Variants in DACH2 observed in about 807,000 individuals in gnomAD.
DACH2 encodes dachshund homolog 2.
Under a neutral mutation model 35.8 loss-of-function variants are expected in DACH2, and 17 were observed. That is an observed-to-expected ratio of 0.48 (90% CI 0.33 to 0.71). DACH2 has a LOEUF of 0.71. Among genes scored for constraint, DACH2 ranks in the 30% least tolerant of loss-of-function variants. The pLI is 0.02. For missense variants in DACH2, 469 were observed against 472.7 expected, an observed-to-expected ratio of 0.99 and a Z score of 0.07; for synonymous variants, 195 against 177.3, an observed-to-expected ratio of 1.10 and a Z score of -0.79.
chrX:86,592,374 G>T (rs1177353954), intron 3 of DACH2, among the ~76,000 whole-genome samples: 1 of 111,541 alleles, frequency 9.0e-6, no homozygotes, highest in Non-Finnish European at 1.9e-5. Context: ...TGATGTTTTT[G>T]TTTATTCTTT....
chrX:86,289,708 G>A (rs1262511307), intron 1 of DACH2, among the ~76,000 whole-genome samples: 3 of 107,653 alleles, frequency 2.8e-5, no homozygotes, highest in Non-Finnish European at 5.7e-5. Context: ...TACTGAGAAT[G>A]ATGATTTCCA....
intron 3 of DACH2, among the ~76,000 whole-genome samples, chrX:86,637,244 A>AAAAAAAAAAAAAC: frequency 1.2e-5 from 1 of 86,653 alleles, no homozygotes; most frequent in Non-Finnish European, 2.2e-5. Flanking sequence ...AAAAAAAAAA[A>AAAAAAAAAAAAAC]AACAGATGCT....
intron 1 of DACH2, among the ~76,000 whole-genome samples, chrX:86,344,054 C>A (rs1041203358): frequency 5.5e-5 from 6 of 109,846 alleles, no homozygotes; most frequent in Admixed American, 4.9e-4. Flanking sequence ...TTAAATAACT[C>A]AAAGGTGTAA....
chrX:86,411,292 C>T (rs755428180), intron 2 of DACH2, among the ~76,000 whole-genome samples: 1 of 108,141 alleles, frequency 9.2e-6, no homozygotes, highest in East Asian at 3.0e-4. Flanking sequence ...CTAGATTGTG[C>T]CCACCAGATT....
intron 7 of DACH2, among the ~76,000 whole-genome samples, chrX:86,754,248 G>A (rs1324072444): frequency 9.1e-6 from 1 of 110,460 alleles, no homozygotes; most frequent in Non-Finnish European, 1.9e-5. Flanking sequence ...AAGAAGTACT[G>A]AACTGAAAAA....
chrX:86,635,804 C>T (rs779822847), intron 3 of DACH2, among the ~76,000 whole-genome samples: 1 of 111,471 alleles, frequency 9.0e-6, no homozygotes, highest in South Asian at 3.7e-4. Context: ...TATAAAATTC[C>T]TAGGAATACA....
At chrX:86,611,504 T>C (rs187932862) in intron 3 of DACH2, among the ~76,000 whole-genome samples, 4 of 111,282 alleles carry the variant, frequency 3.6e-5, no homozygotes, top group African/African-American at 1.3e-4. Context: ...ATTGCAGTTC[T>C]TGTGGCCTAG....
intron 3 of DACH2, among the ~76,000 whole-genome samples, chrX:86,596,323 G>T (rs757648163): frequency 1.8e-5 from 2 of 111,380 alleles, no homozygotes; most frequent in Non-Finnish European, 3.8e-5. Context: ...CACAGTAATT[G>T]CATCATTGTA....
At chrX:86,650,086 G>A (rs749492553) in intron 3 of DACH2, among the ~76,000 whole-genome samples, 2 of 110,721 alleles carry the variant, frequency 1.8e-5, no homozygotes, top group Non-Finnish European at 3.8e-5. Context: ...TTTAGTACTT[G>A]TTTCCTTATA....
rs758406794 is a variant in DACH2, at chrX:86,350,031, G to C, written c.489-26793G>C. ...AAAAATACAAAAATTAGCCGTGCCT[G>C]ATGGCGCATGCCTGTAGTCCCAGCT... On this transcript the variant is annotated intron_variant, in intron 1 of 11. Coordinates refer to ENST00000373125, the MANE Select transcript of DACH2 (RefSeq NM_053281.3). 3.1e-3 allele frequency among the ~76,000 whole-genome samples: 348 copies of C among 111,212 alleles called. 1 individual carries two copies. Among genetic ancestry groups the C allele is most frequent in the African/African-American group, 0.011 (341 of 30,594 alleles).
chrX:86,397,361 T>C (rs1266184074), intron 2 of DACH2, among the ~76,000 whole-genome samples: 2 of 111,640 alleles, frequency 1.8e-5, no homozygotes, highest in Non-Finnish European at 3.8e-5. Context: ...CTTCCTCTTT[T>C]CCTAATTGAA....
At chrX:86,543,156 G>A (rs1271153908) in intron 3 of DACH2, among the ~76,000 whole-genome samples, 1 of 111,383 alleles carries the variant, frequency 9.0e-6, no homozygotes, top group Non-Finnish European at 1.9e-5. Context: ...AGGACACAGA[G>A]GCAGGGCTGA....
At chrX:86,259,195 C>T (rs1022117484) in intron 1 of DACH2, among the ~76,000 whole-genome samples, 1 of 111,921 alleles carries the variant, frequency 8.9e-6, no homozygotes, top group Non-Finnish European at 1.9e-5. Flanking sequence ...TTTTCTCTCC[C>T]TGTTCTGGCA....
chrX:86,160,054 A>G (rs2030694412), intron 1 of DACH2, among the ~76,000 whole-genome samples: 2 of 106,295 alleles, frequency 1.9e-5, no homozygotes, highest in Non-Finnish European at 3.8e-5. Context: ...AAAAAAAAAC[A>G]AAAAAAACAA....
At chrX:86,598,949 G>C (rs192705282) in intron 3 of DACH2, among the ~76,000 whole-genome samples, 4,940 of 108,219 alleles carry the variant, frequency 0.046, 352 homozygotes, top group African/African-American at 0.16. Flanking sequence ...GCTATCCCTC[G>C]CCCCTCCCGC....
chrX:86,450,717 A>T (rs1446661189), intron 2 of DACH2, among the ~76,000 whole-genome samples: 3 of 105,474 alleles, frequency 2.8e-5, no homozygotes. Flanking sequence ...TTCCTTCACA[A>T]GCTTGCCAGA....
At chrX:86,463,533 G>C (rs967003500) in intron 2 of DACH2, among the ~76,000 whole-genome samples, 6 of 110,384 alleles carry the variant, frequency 5.4e-5, no homozygotes, top group Non-Finnish European at 3.8e-5. Flanking sequence ...CTCAAGATGG[G>C]TTAAAGACTT....
intron 1 of DACH2, among the ~76,000 whole-genome samples, chrX:86,375,806 AAAC>A (rs2098794457): frequency 1.8e-5 from 2 of 110,103 alleles, no homozygotes; most frequent in Admixed American, 2.0e-4. Flanking sequence ...AAAGCAAACA[AAAC>A]AAAACAAAAC....
At chrX:86,563,699 G>C (rs113894651) in intron 3 of DACH2, among the ~76,000 whole-genome samples, 12 of 110,200 alleles carry the variant, frequency 1.1e-4, no homozygotes, top group Non-Finnish European at 2.1e-4. Flanking sequence ...TCACTCACTA[G>C]TTCTGTGTCC....
Sources: allele counts gnomAD v4.1 joint callset (sites outside exome capture counted in the v4.1 genomes callset), GRCh38; gene constraint gnomAD v4.1.1; transcripts MANE v1.5; gene names NCBI Gene and HGNC (gene_info 2026-07-23, HGNC 2026-07-21).